RBFOX1: variants seen among roughly 807,000 people sequenced by gnomAD.
RBFOX1 encodes the protein RNA binding protein fox-1 homolog 1.
Under a neutral mutation model 57.7 loss-of-function variants are expected in RBFOX1, and 8 were observed. The ratio of observed to expected loss-of-function variants is 0.14; its 90% confidence interval spans 0.08 to 0.25. RBFOX1 has a LOEUF of 0.25. Among genes scored for constraint, RBFOX1 ranks in the 10% least tolerant of loss-of-function variants. The pLI is 1.00. For synonymous variants in RBFOX1, 326 were observed against 222.4 expected (o/e 1.47, Z -4.15); for missense variants, 611 against 548.5 (o/e 1.11, Z -1.14).
chr16:5,599,398 G>A (rs1314227197), exon 3 of RBFOX1: 2 of 584,366 alleles, frequency 3.4e-6, no homozygotes, highest in South Asian at 2.2e-5. Flanking sequence ...ATGGCATTGG[G>A]CTTGGAGTCA....
At chr16:5,333,785 A>G (rs748718018) in intron 1 of RBFOX1, among the ~76,000 whole-genome samples, 3 of 152,216 alleles carry the variant, frequency 2.0e-5, no homozygotes, top group Non-Finnish European at 4.4e-5. Flanking sequence ...CCTCTACAGC[A>G]TGTTATTTTA....
At chr16:5,760,171 C>T (rs761051091) in intron 3 of RBFOX1, among the ~76,000 whole-genome samples, 2 of 151,978 alleles carry the variant, frequency 1.3e-5, no homozygotes, top group African/African-American at 2.4e-5. Context: ...CAGATTTGCC[C>T]GGAATGTTCC....
At chr16:7,281,338 G>A (rs971457644) in intron 4 of RBFOX1, among the ~76,000 whole-genome samples, 2 of 151,472 alleles carry the variant, frequency 1.3e-5, no homozygotes, top group Non-Finnish European at 2.9e-5. Flanking sequence ...TCTGCTTGGG[G>A]GGTAGTTTAG....
At chr16:6,139,519 C>T (rs909350942) in intron 1 of RBFOX1, among the ~76,000 whole-genome samples, 3 of 152,152 alleles carry the variant, frequency 2.0e-5, no homozygotes, top group Non-Finnish European at 4.4e-5. Flanking sequence ...TACTATTACC[C>T]TGCTCAATCC....
chr16:6,963,131 A>G (rs1053682759), intron 3 of RBFOX1, among the ~76,000 whole-genome samples: 1 of 151,484 alleles, frequency 6.6e-6, no homozygotes, highest in South Asian at 2.1e-4. Flanking sequence ...TGGGTGCAGG[A>G]CTCTTTGGGG....
intron 3 of RBFOX1, among the ~76,000 whole-genome samples, chr16:5,796,102 A>G (rs1033625851): frequency 1.3e-5 from 2 of 152,170 alleles, no homozygotes; most frequent in Non-Finnish European, 2.9e-5. Flanking sequence ...CACTTTGTGA[A>G]GGCATGGTTG....
At chr16:7,069,689 C>G (rs1395581648) in intron 4 of RBFOX1, among the ~76,000 whole-genome samples, 3 of 152,112 alleles carry the variant, frequency 2.0e-5, no homozygotes, top group Admixed American at 6.6e-5. Context: ...CCCCAGCTTC[C>G]TCATGCGCTA....
At chr16:7,674,816 C>G (rs543683386) in intron 13 of RBFOX1, among the ~76,000 whole-genome samples, 7 of 152,160 alleles carry the variant, frequency 4.6e-5, no homozygotes, top group African/African-American at 1.4e-4. Context: ...AGCAATTCTT[C>G]CCATTTATCG....
At chr16:7,705,282 G>A (rs1003364880) in intron 14 of RBFOX1, among the ~76,000 whole-genome samples, 2 of 152,078 alleles carry the variant, frequency 1.3e-5, no homozygotes, top group Non-Finnish European at 2.9e-5. Flanking sequence ...CGAGGCAGGA[G>A]GATCACGAGG....
chr16:6,486,881 AT>A (rs2095495074), intron 2 of RBFOX1, among the ~76,000 whole-genome samples: 1 of 152,152 alleles, frequency 6.6e-6, no homozygotes, highest in African/African-American at 2.4e-5. Context: ...GCATAATTTG[AT>A]TTTAATTAAA....
intron 1 of RBFOX1, among the ~76,000 whole-genome samples, chr16:5,303,961 A>G (rs1462187773): frequency 6.6e-6 from 1 of 152,196 alleles, no homozygotes; most frequent in Non-Finnish European, 1.5e-5. Flanking sequence ...AAAACAGGAA[A>G]TCTTAAATGG....
chr16:6,838,085 T>C (rs1242592429), intron 3 of RBFOX1, among the ~76,000 whole-genome samples: 1 of 152,016 alleles, frequency 6.6e-6, no homozygotes, highest in East Asian at 1.9e-4. Context: ...AAGGTATACA[T>C]GTGTTGTGGT....
chr16:7,709,382 A>T (rs552937111), intron 15 of RBFOX1: 2 of 1,206,364 alleles, frequency 1.7e-6, no homozygotes, highest in Admixed American at 3.3e-5. Flanking sequence ...CACTTACCTT[A>T]ATGGAATAAT....
chr16:6,880,236 T>C (rs1415087927), intron 3 of RBFOX1, among the ~76,000 whole-genome samples: 6 of 151,950 alleles, frequency 3.9e-5, no homozygotes, highest in African/African-American at 1.5e-4. Context: ...GGTAGCAACA[T>C]GACAAGAAGG....
intron 2 of RBFOX1, among the ~76,000 whole-genome samples, chr16:6,400,543 A>G (rs1353377557): frequency 1.3e-5 from 2 of 151,944 alleles, no homozygotes; most frequent in African/African-American, 4.9e-5. Context: ...CTAGAAAAAA[A>G]GAAAATTATA....
chr16:6,369,933 G>A (rs2090182143), intron 2 of RBFOX1, among the ~76,000 whole-genome samples: 1 of 152,124 alleles, frequency 6.6e-6, no homozygotes, highest in Admixed American at 6.5e-5. Context: ...TGACCTTGAT[G>A]GCAGTTTTGT....
intron 4 of RBFOX1, among the ~76,000 whole-genome samples, chr16:7,253,317 A>G (rs2094558725): frequency 6.6e-6 from 1 of 152,202 alleles, no homozygotes; most frequent in African/African-American, 2.4e-5. Flanking sequence ...TGTTGATGTC[A>G]GTGGCAACAA....
At chr16:5,591,471 G>A (rs564204350) in intron 2 of RBFOX1, among the ~76,000 whole-genome samples, 3 of 152,152 alleles carry the variant, frequency 2.0e-5, no homozygotes, top group South Asian at 2.1e-4. Flanking sequence ...GGTTGGTCTC[G>A]TACTCCTGAC....
chr16:6,310,467 C>T (rs1471207335), intron 1 of RBFOX1, among the ~76,000 whole-genome samples: 1 of 152,172 alleles, frequency 6.6e-6, no homozygotes, highest in Non-Finnish European at 1.5e-5. Flanking sequence ...GGCTGTTTGG[C>T]TCCAGTAATA....
Sources: allele counts gnomAD v4.1 joint callset (sites outside exome capture counted in the v4.1 genomes callset), GRCh38; gene constraint gnomAD v4.1.1; transcripts MANE v1.5; gene names NCBI Gene and HGNC (gene_info 2026-07-23, HGNC 2026-07-21).